CCNE2: variants seen among roughly 807,000 people sequenced by gnomAD.
The protein encoded by CCNE2 is cyclin E2.
In CCNE2, 18 loss-of-function variants were observed where a neutral mutation model predicts 56.8. The ratio of observed to expected loss-of-function variants is 0.32; its 90% CI spans 0.22 to 0.47. CCNE2 has a LOEUF of 0.47. Among genes scored for constraint, CCNE2 ranks in the 20% least tolerant of loss-of-function variants. The probability of loss-of-function intolerance (pLI) is 1.00; values close to 1 mark genes in which losing one functional copy is unlikely to be tolerated. For missense variants in CCNE2, 371 were observed against 467.1 expected (o/e 0.79, Z 1.90); for synonymous variants, 139 against 149.2 (o/e 0.93, Z 0.50).
chr8:94,893,032 T>G (rs7835501), intron 4 of CCNE2, 63 bp from the exon 5 acceptor site: 6 of 1,309,788 alleles, frequency 4.6e-6, no homozygotes, highest in Non-Finnish European at 5.2e-6. Flanking sequence ...TTGTAATGGA[T>G]CTTTCATAAA....
intron 9 of CCNE2, chr8:94,883,782 G>C: frequency 2.6e-6 from 1 of 385,064 alleles, no homozygotes; most frequent in Non-Finnish European, 5.6e-6. Context: ...TAGGCAATAA[G>C]AGCTGAACTA....
intron 6 of CCNE2, among the ~76,000 whole-genome samples, chr8:94,889,045 G>A (rs80287424): frequency 6.6e-6 from 1 of 152,038 alleles, no homozygotes; most frequent in African/African-American, 2.4e-5. Flanking sequence ...CTATGTGGGT[G>A]GCTGAGACAA....
chr8:94,894,089 C>G lies in CCNE2; in HGVS notation c.45G>C (p.Gln15His). ...SSRLQAKQQP[Q>H]PSQTESPQEA... ...CTTGGGGGGATTCCGTCTGGCTGGG[C>G]TGGGGCTGCTGCTTAGCTTGTAAAC... Residue 15 changes from glutamine (Q) to histidine (H), a missense_variant, in exon 3 of 12, where the codon CAG (glutamine) becomes CAC (histidine). Transcript: ENST00000308108. 1 of 1,613,672 alleles carries G rather than the reference C, an allele frequency of 6.2e-7. No individual in the cohort carries two copies. Among genetic ancestry groups the G allele is most frequent in the Non-Finnish European group, 8.5e-7 (1 of 1,179,738 alleles).
At chr8:94,893,297 C>G (rs1412938859) in intron 4 of CCNE2, among the ~76,000 whole-genome samples, 5 of 147,574 alleles carry the variant, frequency 3.4e-5, no homozygotes. Context: ...TTCTCTGTAT[C>G]TAGCAATAGT....
In CCNE2 at chr8:94,881,427, C is replaced by CTGTT. The variant is rs1816804974; in HGVS notation, c.*201_*204dup. 1.8e-6 allele frequency: 1 copy of CTGTT among 549,684 alleles called. No homozygotes were observed. Among genetic ancestry groups the CTGTT allele is most frequent in the Admixed American group, 3.5e-5 (1 of 28,180 alleles). 34.1% of individuals were successfully genotyped at this position (549,684 alleles called of 1,614,324 possible). A position where few individuals can be genotyped will look rare whatever the true frequency, so the allele number is the denominator to read the frequency against. On this transcript the variant is annotated 3_prime_UTR_variant, in exon 12 of 12. Transcript: ENST00000308108. ...AAGACATCTTTGTAAACAAGTCCTG[C>CTGTT]TGTTTCTTTAACAGCTAACATAGGA... is the stretch of plus-strand genomic sequence containing the variant.
At chr8:94,896,538 T>A (rs1210678444), upstream of CCNE2, 1 of 151,890 alleles carries the variant, frequency 6.6e-6, no homozygotes, top group African/African-American at 2.4e-5. Context: ...GGGGAACAGC[T>A]CCGGGAACAA....
intron 6 of CCNE2, among the ~76,000 whole-genome samples, chr8:94,889,961 G>A (rs549769595): frequency 6.6e-6 from 1 of 152,166 alleles, no homozygotes; most frequent in Non-Finnish European, 1.5e-5. Flanking sequence ...AGAGGGCGTA[G>A]AGCTTCCAGA....
upstream of CCNE2, chr8:94,895,303 C>G: frequency 1.1e-5 from 11 of 968,696 alleles, no homozygotes; most frequent in Non-Finnish European, 1.4e-5. Flanking sequence ...CCCTCTCCCG[C>G]CCGTCCGCCC....
rs773084730 is a variant in CCNE2 at position 94,881,627 on chromosome 8, C to CTTCT, written c.*1_*4dup. ...AATTCCAACTTGTTTGCTTAGTTAT[C>CTTCT]TTCTTTAGTGTTTTCCTGGTGGTTT... On this transcript the variant is annotated 3_prime_UTR_variant, in exon 12 of 12. Transcript: ENST00000308108. 1.2e-6 allele frequency: 2 copies of CTTCT among 1,610,918 alleles called. No homozygotes were observed. Among genetic ancestry groups the CTTCT allele is most frequent in the African/African-American group, 1.3e-5 (1 of 74,690 alleles).
intron 9 of CCNE2, among the ~76,000 whole-genome samples, chr8:94,883,358 G>C (rs932208812): frequency 6.6e-6 from 1 of 152,098 alleles, no homozygotes; most frequent in African/African-American, 2.4e-5. Context: ...GTACTAGCAG[G>C]AAGGGCACCT....
chr8:94,895,043 G>T, intron 1 of CCNE2, 134 bp downstream of exon 1: 1 of 349,448 alleles, frequency 2.9e-6, no homozygotes, highest in Non-Finnish European at 4.0e-6. Context: ...CGGAACGCGG[G>T]AACCCATGAC....
chr8:94,887,761 AT>A (rs1817090995), intron 7 of CCNE2, among the ~76,000 whole-genome samples, 165 bp downstream of exon 7: 2 of 152,238 alleles, frequency 1.3e-5, no homozygotes, highest in Non-Finnish European at 2.9e-5. Context: ...AACTATGATA[AT>A]TTATCATTCA....
intron 5 of CCNE2, chr8:94,891,814 G>T: frequency 6.5e-7 from 1 of 1,538,232 alleles, no homozygotes; most frequent in Non-Finnish European, 8.9e-7. Flanking sequence ...CAAAAAGAGT[G>T]CTGAATTTTT....
upstream of CCNE2, among the ~76,000 whole-genome samples, chr8:94,896,108 A>C (rs1586565583): frequency 6.6e-6 from 1 of 151,276 alleles, no homozygotes; most frequent in Non-Finnish European, 1.5e-5. Flanking sequence ...TCTCTTCTCC[A>C]CCTCCAATTC....
At chr8:94,888,169 C>A in intron 6 of CCNE2, 96 bp from the exon 7 acceptor site, 7 of 780,530 alleles carry the variant, frequency 9.0e-6, no homozygotes, top group South Asian at 6.1e-5. Context: ...TATGTTTAAG[C>A]CAAACTGATA....
rs1340188236 is a variant in CCNE2 at position 94,890,590 on chromosome 8, T to C, written c.318-40A>G. 8 of 477,516 alleles carry C rather than the reference T, an allele frequency of 1.7e-5. No individual in the cohort carries two copies. The Admixed American group carries it at 5.1e-4, about 30-fold the overall frequency. The allele number at this position is 477,516 out of a possible 1,614,324, so 29.6% of individuals were successfully genotyped here. A position where few individuals can be genotyped will look rare whatever the true frequency, so the allele number is the denominator to read the frequency against. On this transcript the variant is annotated intron_variant, in intron 5 of 11. Coordinates refer to ENST00000308108, the MANE Select transcript of CCNE2 (RefSeq NM_057749.3). The stretch of plus-strand genomic sequence containing the variant: ...GAAAAAAACCATATATATATATATA[T>C]ATTTTTTTTTTTTTTTTTTTGAGAC...
intron 6 of CCNE2, among the ~76,000 whole-genome samples, chr8:94,888,882 CTCACA>C (rs1817128245): frequency 1.3e-5 from 2 of 152,254 alleles, no homozygotes; most frequent in South Asian, 4.2e-4. Flanking sequence ...AGTGCGGTGG[CTCACA>C]TCTGTAATCC....
At chr8:94,885,243 CACAT>C (rs754253785) in intron 8 of CCNE2, 42 bp from the exon 9 acceptor site, 1 of 1,535,804 alleles carries the variant, frequency 6.5e-7, no homozygotes, top group Non-Finnish European at 9.0e-7. Flanking sequence ...TGAATGTAGA[CACAT>C]ACACCACATT....
upstream of CCNE2, chr8:94,895,991 G>C (rs1035510552): frequency 2.6e-5 from 4 of 152,430 alleles, no homozygotes; most frequent in African/African-American, 9.7e-5. Flanking sequence ...CCCATGGGTC[G>C]GTCGCTCCCC....
Sources: gnomAD v4.1 joint callset for allele counts (sites outside exome capture counted in the v4.1 genomes callset) on GRCh38, gnomAD v4.1.1 for gene constraint, MANE v1.5 for transcripts, NCBI Gene and HGNC (gene_info 2026-07-23, HGNC 2026-07-21) for gene names.